INPP5F: variants seen among roughly 807,000 people sequenced by gnomAD.
INPP5F encodes phosphatidylinositide 4-phosphatase SAC2.
INPP5F carries 97 observed loss-of-function variants against 137.2 expected under a neutral mutation model. The observed-to-expected ratio is 0.71, with a 90% confidence interval of 0.60 to 0.84. The LOEUF (loss-of-function observed/expected upper bound fraction) is 0.84. Among genes scored for constraint, INPP5F ranks in the 40% least tolerant of loss-of-function variants. The pLI, the probability that INPP5F is intolerant of heterozygous loss-of-function variation, is 0.00. For missense variants in INPP5F, 1,271 were observed against 1,371.9 expected, an observed-to-expected ratio of 0.93 and a Z score of 1.16; for synonymous variants, 504 against 476.9, an observed-to-expected ratio of 1.06 and a Z score of -0.74.
At chr10:119,811,511 T>G (rs1216973033) in intron 14 of INPP5F, among the ~76,000 whole-genome samples, 1 of 152,246 alleles carries the variant, frequency 6.6e-6, no homozygotes, top group Non-Finnish European at 1.5e-5. Flanking sequence ...TTTTCACTTT[T>G]GTGATGGTGC....
chr10:119,731,582 T>C (rs891910766), intron 1 of INPP5F, among the ~76,000 whole-genome samples: 3 of 152,206 alleles, frequency 2.0e-5, no homozygotes, highest in Non-Finnish European at 4.4e-5. Flanking sequence ...AAGAATCGAT[T>C]GAACCTGGGA....
chr10:119,825,292 G>T (rs769543904), intron 19 of INPP5F, among the ~76,000 whole-genome samples: 4 of 152,130 alleles, frequency 2.6e-5, no homozygotes, highest in African/African-American at 4.8e-5. Context: ...AAAGATGTGG[G>T]TATTTCACTT....
At chr10:119,778,205 G>A (rs1849586773) in intron 2 of INPP5F, among the ~76,000 whole-genome samples, 1 of 151,854 alleles carries the variant, frequency 6.6e-6, no homozygotes, top group South Asian at 2.1e-4. Flanking sequence ...ACAGAATTTT[G>A]CCATGTTGGC....
At chr10:119,788,854 G>A (rs942022178) in intron 3 of INPP5F, among the ~76,000 whole-genome samples, 44 of 152,334 alleles carry the variant, frequency 2.9e-4, no homozygotes, top group Middle Eastern at 3.4e-3. Context: ...TAGGTGTGCT[G>A]TTGCACATTT....
chr10:119,797,936 A>G (rs777011545), intron 8 of INPP5F, among the ~76,000 whole-genome samples: 2 of 152,200 alleles, frequency 1.3e-5, no homozygotes, highest in Non-Finnish European at 2.9e-5. Flanking sequence ...TTTGGAAAGG[A>G]GCGAATCTAG....
intron 1 of INPP5F, among the ~76,000 whole-genome samples, chr10:119,731,331 T>TAA (rs71482611): frequency 4.9e-4 from 70 of 144,298 alleles, no homozygotes; most frequent in Non-Finnish European, 8.2e-4. Flanking sequence ...GGTATTTACT[T>TAA]AAAAAAAAAA....
chr10:119,821,252 T>C (rs1310424642), intron 16 of INPP5F, among the ~76,000 whole-genome samples: 1 of 152,234 alleles, frequency 6.6e-6, no homozygotes, highest in Non-Finnish European at 1.5e-5. Context: ...TGCATTACTA[T>C]AGTGAAGTTT....
chr10:119,814,125 C>T (rs1169832701), intron 15 of INPP5F, among the ~76,000 whole-genome samples: 1 of 152,070 alleles, frequency 6.6e-6, no homozygotes, highest in Non-Finnish European at 1.5e-5. Context: ...GGCACGGTGG[C>T]TCACGCCTGT....
At chr10:119,826,607 CTTT>C (rs1399883172) in intron 19 of INPP5F, 21 bp from the exon 20 acceptor site, 1 of 1,531,860 alleles carries the variant, frequency 6.5e-7, no homozygotes, top group African/African-American at 1.4e-5. Context: ...GGGGAATTAA[CTTT>C]TTTTCTCTTC....
intron 2 of INPP5F, among the ~76,000 whole-genome samples, chr10:119,772,837 G>A (rs138216205): frequency 0.013 from 1,925 of 151,776 alleles, 37 homozygotes; most frequent in African/African-American, 0.044. Context: ...TCCACCTCCC[G>A]GGTCCCGGTT....
chr10:119,808,581 A>G (rs1297251811), intron 13 of INPP5F, among the ~76,000 whole-genome samples: 3 of 152,360 alleles, frequency 2.0e-5, no homozygotes, highest in East Asian at 3.9e-4. Context: ...AGGGCTTAGA[A>G]TATTCTCTGA....
At position 119,822,490 on chromosome 10, in the gene INPP5F, A is replaced by G; in HGVS notation, c.2018A>G (p.Glu673Gly). 3 of 1,504,082 alleles carry G rather than the reference A, an allele frequency of 2.0e-6. No individual in the cohort carries two copies. Among genetic ancestry groups the G allele is most frequent in the Non-Finnish European group, 2.7e-6 (3 of 1,095,734 alleles). 93.2% of individuals were successfully genotyped at this position (1,504,082 alleles called of 1,614,324 possible). ...CAACGACTAAGTCTAGAAAACCTGGAAAAAATTGAAATAGGTAAGTTTTAA... is the reference window on the plus strand; with the variant it reads ...CAACGACTAAGTCTAGAAAACCTGGGAAAAATTGAAATAGGTAAGTTTTAA... Reference protein sequence around the residue: ...QYQRLSLENLEKIEIGPEPTL... With the variant: ...QYQRLSLENLGKIEIGPEPTL... Residue 673 changes from glutamate to glycine, a missense_variant, in exon 17 of 20, where the codon GAA (glutamate) becomes GGA (glycine). Transcript: ENST00000650623.
At position 119,827,708 on chromosome 10, in the gene INPP5F, C is replaced by G; in HGVS notation, c.3327C>G (p.Ile1109Met). ...KVQKSPPEPE[I>M]INQVQQNELK... ...AGAAGAGTCCTCCAGAACCTGAAAT[C>G]ATTAATCAAGTCCAGCAAAATGAAC... The change falls in exon 20 of 20, where the codon ATC (isoleucine) becomes ATG (methionine). Residue 1109 changes from isoleucine to methionine, a missense_variant. Transcript: ENST00000650623. 6.2e-7 allele frequency: 1 copy of G among 1,613,710 alleles called. No homozygotes were observed. Among genetic ancestry groups the G allele is most frequent in the Non-Finnish European group, 8.5e-7 (1 of 1,179,678 alleles).
intron 1 of INPP5F, among the ~76,000 whole-genome samples, chr10:119,730,805 T>C (rs1848036627): frequency 6.6e-6 from 1 of 151,926 alleles, no homozygotes; most frequent in African/African-American, 2.4e-5. Flanking sequence ...TTTTTTTTTT[T>C]TGAGATTGAG....
chr10:119,800,332 G>T (rs1451143892), intron 9 of INPP5F, among the ~76,000 whole-genome samples: 1 of 151,136 alleles, frequency 6.6e-6, no homozygotes, highest in Non-Finnish European at 1.5e-5. Flanking sequence ...AACGTGGGCG[G>T]ATCACGAGGT....
intron 1 of INPP5F, among the ~76,000 whole-genome samples, chr10:119,750,752 C>T (rs1435114700): frequency 6.6e-6 from 1 of 152,190 alleles, no homozygotes; most frequent in African/African-American, 2.4e-5. Flanking sequence ...TAGGACCACA[C>T]GCAGCTCCTC....
At chr10:119,802,241 C>G (rs1850618884) in intron 9 of INPP5F, among the ~76,000 whole-genome samples, 2 of 151,338 alleles carry the variant, frequency 1.3e-5, no homozygotes, top group Non-Finnish European at 1.5e-5. Flanking sequence ...CTACAGCTCT[C>G]TCAAGACTGT....
At chr10:119,756,551 G>T (rs1848848596) in intron 2 of INPP5F, among the ~76,000 whole-genome samples, 1 of 151,890 alleles carries the variant, frequency 6.6e-6, no homozygotes, top group South Asian at 2.1e-4. Flanking sequence ...CAGGATAATC[G>T]CTTGAACCCA....
chr10:119,820,962 CT>C (rs1479814826), intron 16 of INPP5F, 45 bp downstream of exon 16: 1 of 1,231,992 alleles, frequency 8.1e-7, no homozygotes, highest in South Asian at 1.2e-5. Flanking sequence ...GTTTTTTAAA[CT>C]TGAGTAAATT....
Sources: gnomAD v4.1 joint callset for allele counts (sites outside exome capture counted in the v4.1 genomes callset) on GRCh38, gnomAD v4.1.1 for gene constraint, MANE v1.5 for transcripts, NCBI Gene and HGNC (gene_info 2026-07-23, HGNC 2026-07-21) for gene names.